INPP4B: variants seen among roughly 807,000 people sequenced by gnomAD.
The protein encoded by INPP4B is inositol polyphosphate 4-phosphatase type II.
INPP4B carries 55 observed loss-of-function variants against 122.5 expected under a neutral mutation model. The observed-to-expected ratio is 0.45, with a 90% confidence interval of 0.36 to 0.56. The LOEUF (loss-of-function observed/expected upper bound fraction) is 0.56, where lower values mean the gene tolerates loss of function less well. INPP4B is among the 20% of genes least tolerant of loss of function. INPP4B has a pLI of 0.00. For missense variants in INPP4B, 1,000 were observed against 1,097.7 expected, an observed-to-expected ratio of 0.91 and a Z score of 1.26; for synonymous variants, 403 against 388.7, an observed-to-expected ratio of 1.04 and a Z score of -0.43.
intron 3 of INPP4B, among the ~76,000 whole-genome samples, chr4:142,438,991 G>A (rs184544756): frequency 6.6e-6 from 1 of 152,096 alleles, no homozygotes; most frequent in East Asian, 1.9e-4. Flanking sequence ...AAACCTTTAG[G>A]GAATGCACAC....
chr4:142,687,120 G>A (rs901601234), intron 2 of INPP4B, among the ~76,000 whole-genome samples: 6 of 151,982 alleles, frequency 3.9e-5, no homozygotes, highest in Admixed American at 3.3e-4. Flanking sequence ...CTATGTGGAT[G>A]CTAAGAGTTA....
chr4:142,466,566 G>A (rs1560690513), intron 2 of INPP4B, among the ~76,000 whole-genome samples: 1 of 152,204 alleles, frequency 6.6e-6, no homozygotes, highest in African/African-American at 2.4e-5. Flanking sequence ...TTTGCAGCCT[G>A]ACCATGTGGC....
intron 15 of INPP4B, among the ~76,000 whole-genome samples, chr4:142,182,003 G>T (rs1830991315): frequency 6.6e-6 from 1 of 152,142 alleles, no homozygotes; most frequent in Non-Finnish European, 1.5e-5. Flanking sequence ...CTCTCTGGTG[G>T]ATAGCAAAAT....
chr4:142,369,863 G>A (rs892632917), intron 7 of INPP4B, among the ~76,000 whole-genome samples: 4 of 150,888 alleles, frequency 2.7e-5, no homozygotes, highest in South Asian at 2.1e-4. Context: ...CCCAGGAGAC[G>A]GAGGTTCCAG....
intron 2 of INPP4B, among the ~76,000 whole-genome samples, chr4:142,473,773 T>A (rs1215383204): frequency 1.3e-5 from 2 of 152,112 alleles, no homozygotes; most frequent in African/African-American, 4.8e-5. Flanking sequence ...GGTGACTCCA[T>A]GACCCCCACA....
chr4:142,771,870 A>C (rs371736199), intron 1 of INPP4B, among the ~76,000 whole-genome samples: 10 of 152,326 alleles, frequency 6.6e-5, no homozygotes, highest in African/African-American at 2.2e-4. Flanking sequence ...GAGTTCAAAG[A>C]GCTAAAATAA....
intron 2 of INPP4B, among the ~76,000 whole-genome samples, chr4:142,474,763 A>G (rs1458255493): frequency 6.6e-6 from 1 of 151,922 alleles, no homozygotes; most frequent in Admixed American, 6.6e-5. Flanking sequence ...GTCTGGAGAA[A>G]CATCCAGATG....
intron 17 of INPP4B, among the ~76,000 whole-genome samples, chr4:142,158,110 A>T (rs1818168691): frequency 6.6e-6 from 1 of 152,052 alleles, no homozygotes; most frequent in Non-Finnish European, 1.5e-5. Context: ...CTCACTTTAA[A>T]ACAAAACATG....
chr4:142,259,151 C>G (rs2150358774), intron 11 of INPP4B, among the ~76,000 whole-genome samples: 1 of 134,006 alleles, frequency 7.5e-6, no homozygotes, highest in Middle Eastern at 4.9e-3. Flanking sequence ...GGGAATTGAA[C>G]AATGAGATCA....
chr4:142,746,031 A>T (rs1768690496), intron 1 of INPP4B, among the ~76,000 whole-genome samples: 1 of 151,972 alleles, frequency 6.6e-6, no homozygotes, highest in African/African-American at 2.4e-5. Flanking sequence ...AGAGATGAAA[A>T]GTCTTTATTC....
At chr4:142,399,940 AATAGTT>A (rs1801055661) in intron 7 of INPP4B, among the ~76,000 whole-genome samples, 1 of 152,174 alleles carries the variant, frequency 6.6e-6, no homozygotes, top group South Asian at 2.1e-4. Context: ...AGAAGGAAAC[AATAGTT>A]ATGCTGAATC....
chr4:142,758,235 A>G (rs1311868495), intron 1 of INPP4B, among the ~76,000 whole-genome samples: 1 of 152,190 alleles, frequency 6.6e-6, no homozygotes, highest in Non-Finnish European at 1.5e-5. Flanking sequence ...TAGAAGTGAA[A>G]GGACATAGGG....
intron 15 of INPP4B, among the ~76,000 whole-genome samples, chr4:142,182,174 A>G (rs890530768): frequency 1.3e-5 from 2 of 152,160 alleles, no homozygotes; most frequent in South Asian, 2.1e-4. Flanking sequence ...TGGTGACTCA[A>G]TCGTTGGTCC....
chr4:142,250,647 A>T (rs1731520305), intron 11 of INPP4B, among the ~76,000 whole-genome samples: 1 of 152,228 alleles, frequency 6.6e-6, no homozygotes, highest in Non-Finnish European at 1.5e-5. Flanking sequence ...TTTTATGAAT[A>T]GCTCTTAGTT....
At chr4:142,125,370 A>C (rs955795954) in intron 18 of INPP4B, among the ~76,000 whole-genome samples, 6 of 151,976 alleles carry the variant, frequency 3.9e-5, no homozygotes, top group Non-Finnish European at 8.8e-5. Flanking sequence ...TGAAAAAAAA[A>C]CACTAAAGCA....
intron 12 of INPP4B, among the ~76,000 whole-genome samples, chr4:142,227,398 C>T (rs934733385): frequency 6.6e-5 from 10 of 151,740 alleles, no homozygotes; most frequent in East Asian, 3.9e-4. Context: ...TGTCATTGCG[C>T]GATTTTTATC....
intron 2 of INPP4B, among the ~76,000 whole-genome samples, chr4:142,579,781 A>T (rs888664733): frequency 3.3e-5 from 5 of 151,392 alleles, no homozygotes; most frequent in Admixed American, 2.0e-4. Flanking sequence ...TGACTCACTC[A>T]GATAATCGTG....
chr4:142,123,888 C>T (rs998643974), intron 19 of INPP4B, among the ~76,000 whole-genome samples: 1 of 152,020 alleles, frequency 6.6e-6, no homozygotes, highest in Non-Finnish European at 1.5e-5. Flanking sequence ...TGGGGGAAAG[C>T]GACAGTTTGG....
chr4:142,063,853 A>G (rs1762223059), intron 25 of INPP4B, among the ~76,000 whole-genome samples: 1 of 152,204 alleles, frequency 6.6e-6, no homozygotes, highest in African/African-American at 2.4e-5. Context: ...CATACTGCAA[A>G]GAAATGTGAC....
Sources: gnomAD v4.1 joint callset for allele counts (sites outside exome capture counted in the v4.1 genomes callset) on GRCh38, gnomAD v4.1.1 for gene constraint, MANE v1.5 for transcripts, NCBI Gene and HGNC (gene_info 2026-07-23, HGNC 2026-07-21) for gene names.